The following ATE1 variants were observed in gnomAD, a reference collection of about 807,000 sequenced individuals.
ATE1 encodes the protein arginyl-tRNA--protein transferase 1.
Under a neutral mutation model 70.5 loss-of-function variants are expected in ATE1, and 36 were observed. The observed-to-expected ratio is 0.51, with a 90% CI of 0.39 to 0.67. The LOEUF is 0.67. ATE1 is among the 30% of genes least tolerant of loss of function. The pLI is 0.00. For synonymous variants in ATE1, 232 were observed against 219.3 expected (o/e 1.06, Z -0.51); for missense variants, 593 against 629.5 (o/e 0.94, Z 0.62).
At chr10:121,875,653 C>T (rs1285818529) in intron 7 of ATE1, among the ~76,000 whole-genome samples, 1 of 152,116 alleles carries the variant, frequency 6.6e-6, no homozygotes, top group Admixed American at 6.5e-5. Context: ...ACCACCTTCC[C>T]CAGGTGGTAT....
intron 11 of ATE1, among the ~76,000 whole-genome samples, chr10:121,774,256 G>C (rs745576822): frequency 6.6e-6 from 1 of 152,014 alleles, no homozygotes; most frequent in Admixed American, 6.6e-5. Context: ...TTAAAAACAC[G>C]CATTATTTTA....
At chr10:121,867,738 A>G (rs1432586428) in intron 8 of ATE1, among the ~76,000 whole-genome samples, 1 of 152,198 alleles carries the variant, frequency 6.6e-6, no homozygotes, top group Non-Finnish European at 1.5e-5. Flanking sequence ...TGAGATCTGC[A>G]TGTATAATTT....
intron 8 of ATE1, among the ~76,000 whole-genome samples, chr10:121,853,203 A>T (rs1218554357): frequency 2.6e-5 from 4 of 151,982 alleles, no homozygotes; most frequent in Non-Finnish European, 5.9e-5. Flanking sequence ...TCTCTACTAA[A>T]AATACAAAAA....
chr10:121,823,050 G>A (rs1173371532), intron 10 of ATE1, among the ~76,000 whole-genome samples: 3 of 152,122 alleles, frequency 2.0e-5, no homozygotes, highest in African/African-American at 7.2e-5. Flanking sequence ...CAGCACTTTG[G>A]GAGGCCAAGG....
intron 10 of ATE1, among the ~76,000 whole-genome samples, chr10:121,791,105 TTTTTTTG>T (rs1946437618): frequency 7.1e-6 from 1 of 141,484 alleles, no homozygotes; most frequent in Admixed American, 7.2e-5. Flanking sequence ...TATTTTTTTT[TTTTTTTG>T]AGATAGATTC....
At chr10:121,834,586 T>C (rs905026828) in intron 10 of ATE1, among the ~76,000 whole-genome samples, 1 of 151,890 alleles carries the variant, frequency 6.6e-6, no homozygotes, top group Non-Finnish European at 1.5e-5. Context: ...GGGCTCTACC[T>C]AGGAAGGAGA....
At chr10:121,759,923 C>T (rs1454926811) in intron 11 of ATE1, among the ~76,000 whole-genome samples, 2 of 151,976 alleles carry the variant, frequency 1.3e-5, no homozygotes, top group Non-Finnish European at 2.9e-5. Context: ...AAGCTGAAGC[C>T]AATGCTCATT....
intron 11 of ATE1, among the ~76,000 whole-genome samples, chr10:121,777,212 T>C (rs1945784750): frequency 6.6e-6 from 1 of 152,248 alleles, no homozygotes; most frequent in African/African-American, 2.4e-5. Flanking sequence ...AGATTTCTAG[T>C]TTAAACACTA....
intron 10 of ATE1, among the ~76,000 whole-genome samples, chr10:121,798,193 T>C (rs576501174): frequency 6.6e-6 from 1 of 152,364 alleles, no homozygotes; most frequent in East Asian, 1.9e-4. Flanking sequence ...ATAAGAATAG[T>C]TCTCAACCTT....
At chr10:121,795,119 G>A (rs1355367951) in intron 10 of ATE1, among the ~76,000 whole-genome samples, 1 of 152,054 alleles carries the variant, frequency 6.6e-6, no homozygotes, top group Non-Finnish European at 1.5e-5. Flanking sequence ...ATGGTGATAC[G>A]TGCCTATAAT....
At chr10:121,919,219 G>A (rs1243508522) in intron 3 of ATE1, among the ~76,000 whole-genome samples, 1 of 152,106 alleles carries the variant, frequency 6.6e-6, no homozygotes, top group Non-Finnish European at 1.5e-5. Context: ...ACATTTAAGA[G>A]CTGTAACACT....
chr10:121,837,616 A>T (rs1481988043), intron 9 of ATE1, among the ~76,000 whole-genome samples: 3 of 152,172 alleles, frequency 2.0e-5, no homozygotes, highest in African/African-American at 7.2e-5. Flanking sequence ...GTAGCAATTG[A>T]TGCTTGAAAT....
At chr10:121,796,753 C>T (rs1564845349) in intron 10 of ATE1, among the ~76,000 whole-genome samples, 1 of 152,044 alleles carries the variant, frequency 6.6e-6, no homozygotes, top group East Asian at 1.9e-4. Flanking sequence ...AGAAGAAAAA[C>T]ACCCTAGCTA....
chr10:121,824,546 A>G (rs1947929825), intron 10 of ATE1, among the ~76,000 whole-genome samples: 1 of 152,176 alleles, frequency 6.6e-6, no homozygotes, highest in Admixed American at 6.5e-5. Flanking sequence ...TCTCACAATC[A>G]AGCTGAGACA....
intron 10 of ATE1, among the ~76,000 whole-genome samples, chr10:121,805,057 T>C (rs1240523505): frequency 6.6e-6 from 1 of 152,180 alleles, no homozygotes; most frequent in African/African-American, 2.4e-5. Context: ...AAGTGTATGA[T>C]TTACAAGCAT....
chr10:121,815,212 T>G (rs574825488), intron 10 of ATE1, among the ~76,000 whole-genome samples: 3 of 152,344 alleles, frequency 2.0e-5, no homozygotes, highest in African/African-American at 7.2e-5. Context: ...CTCGGCTCAC[T>G]GCGAGCTCCG....
intron 7 of ATE1, among the ~76,000 whole-genome samples, chr10:121,899,192 CT>C (rs79989529): frequency 1.2e-4 from 18 of 149,690 alleles, no homozygotes; most frequent in Middle Eastern, 3.5e-3. Flanking sequence ...ACAATTTGTT[CT>C]TTTTTTTTTC....
At chr10:121,755,138 A>G (rs561562530) in intron 11 of ATE1, among the ~76,000 whole-genome samples, 5 of 152,370 alleles carry the variant, frequency 3.3e-5, no homozygotes, top group African/African-American at 1.2e-4. Context: ...AGAGAAAAGT[A>G]ACATAGGCTT....
chr10:121,795,910 C>G (rs989252552), intron 10 of ATE1, among the ~76,000 whole-genome samples: 1 of 152,112 alleles, frequency 6.6e-6, no homozygotes, highest in East Asian at 1.9e-4. Flanking sequence ...GACATAGTTT[C>G]CCATGGTCAG....
Sources: allele counts gnomAD v4.1 joint callset (sites outside exome capture counted in the v4.1 genomes callset), GRCh38; gene constraint gnomAD v4.1.1; transcripts MANE v1.5; gene names NCBI Gene and HGNC (gene_info 2026-07-23, HGNC 2026-07-21).